Variants in CAMK1D observed in about 807,000 individuals in gnomAD.
The protein encoded by CAMK1D is calcium/calmodulin dependent protein kinase ID.
CAMK1D carries 9 observed loss-of-function variants against 47.7 expected under a neutral mutation model. The ratio of observed to expected loss-of-function variants is 0.19; its 90% confidence interval spans 0.11 to 0.33. The LOEUF is 0.33. Among genes scored for constraint, CAMK1D ranks in the 10% least tolerant of loss-of-function variants. The probability of loss-of-function intolerance (pLI) is 1.00; values close to 1 mark genes in which losing one functional copy is unlikely to be tolerated. For synonymous variants in CAMK1D, 184 were observed against 184.9 expected (o/e 0.99, Z 0.04); for missense variants, 291 against 488.7 (o/e 0.60, Z 3.81).
chr10:12,516,308 C>T (rs1465233773), intron 1 of CAMK1D, among the ~76,000 whole-genome samples: 1 of 152,096 alleles, frequency 6.6e-6, no homozygotes, highest in African/African-American at 2.4e-5. Flanking sequence ...GGGGTTTCAC[C>T]ATCCTGGCCA....
At chr10:12,502,850 C>T (rs764628596) in intron 1 of CAMK1D, among the ~76,000 whole-genome samples, 26 of 152,194 alleles carry the variant, frequency 1.7e-4, no homozygotes, top group Non-Finnish European at 3.2e-4. Flanking sequence ...TGTTACTTGC[C>T]ATGCTCATTT....
chr10:12,357,976 C>T (rs1170636895), intron 1 of CAMK1D, among the ~76,000 whole-genome samples: 1 of 152,138 alleles, frequency 6.6e-6, no homozygotes, highest in East Asian at 1.9e-4. Flanking sequence ...CAAGTTCATT[C>T]CGCCACAGAC....
chr10:12,685,149 A>G (rs953848001), intron 3 of CAMK1D, among the ~76,000 whole-genome samples: 1 of 152,160 alleles, frequency 6.6e-6, no homozygotes, highest in African/African-American at 2.4e-5. Context: ...AAAAATACGA[A>G]AATTAGCCAG....
intron 5 of CAMK1D, among the ~76,000 whole-genome samples, chr10:12,790,613 GCA>G (rs145460694): frequency 1.3e-5 from 2 of 151,362 alleles, no homozygotes; most frequent in East Asian, 3.9e-4. Flanking sequence ...ACACACACAC[GCA>G]CACACACACT....
intron 2 of CAMK1D, among the ~76,000 whole-genome samples, chr10:12,646,057 G>A (rs760194277): frequency 2.2e-4 from 33 of 151,468 alleles, no homozygotes; most frequent in Non-Finnish European, 3.8e-4. Flanking sequence ...AATTGCTATG[G>A]GAAGAATTAC....
At chr10:12,761,450 A>G (rs78202458) in intron 4 of CAMK1D, among the ~76,000 whole-genome samples, 1,721 of 152,298 alleles carry the variant, frequency 0.011, 18 homozygotes, top group East Asian at 0.059. Flanking sequence ...CACCTTTGCC[A>G]ATTCCAGCCC....
intron 1 of CAMK1D, among the ~76,000 whole-genome samples, chr10:12,440,665 G>A (rs1201475073): frequency 6.6e-6 from 1 of 152,178 alleles, no homozygotes; most frequent in African/African-American, 2.4e-5. Flanking sequence ...GCAGTTTATT[G>A]TGGATAAATT....
At chr10:12,588,877 TGTGTGTGCGTGC>T (rs1212111373) in intron 2 of CAMK1D, among the ~76,000 whole-genome samples, 11 of 134,350 alleles carry the variant, frequency 8.2e-5, no homozygotes, top group East Asian at 4.2e-4. Context: ...TGTGTGTGTG[TGTGTGTGCGTGC>T]GTGTGTGTGT....
chr10:12,632,200 C>T (rs1196842611), intron 2 of CAMK1D, among the ~76,000 whole-genome samples: 1 of 152,188 alleles, frequency 6.6e-6, no homozygotes, highest in South Asian at 2.1e-4. Context: ...CCAAATCTTT[C>T]TCTCCCATTT....
chr10:12,390,027 T>C (rs1838667465), intron 1 of CAMK1D, among the ~76,000 whole-genome samples: 1 of 152,118 alleles, frequency 6.6e-6, no homozygotes. Flanking sequence ...AGGTGGCTGG[T>C]GATCTTGGGG....
chr10:12,620,312 C>T (rs1314879141), intron 2 of CAMK1D, among the ~76,000 whole-genome samples: 1 of 151,182 alleles, frequency 6.6e-6, no homozygotes, highest in Non-Finnish European at 1.5e-5. Context: ...TGCTAGGTTG[C>T]ATGGTGGTTG....
At chr10:12,703,649 A>G (rs61847363) in intron 3 of CAMK1D, among the ~76,000 whole-genome samples, 61,652 of 152,040 alleles carry the variant, frequency 0.41, 14,325 homozygotes, top group Non-Finnish European at 0.51. Context: ...CAGGTGGGTC[A>G]CCTGAGGTCA....
intron 2 of CAMK1D, among the ~76,000 whole-genome samples, chr10:12,634,731 G>C (rs1004548334): frequency 1.3e-5 from 2 of 152,222 alleles, no homozygotes; most frequent in South Asian, 4.2e-4. Context: ...CTTGTAGCTA[G>C]AGTCCGGTGC....
intron 5 of CAMK1D, among the ~76,000 whole-genome samples, chr10:12,790,855 G>A (rs1056101167): frequency 6.6e-6 from 1 of 152,008 alleles, no homozygotes; most frequent in Non-Finnish European, 1.5e-5. Context: ...AATTAGCCAG[G>A]CATGGTGGCA....
At chr10:12,480,241 C>T (rs1390874494) in intron 1 of CAMK1D, among the ~76,000 whole-genome samples, 1 of 152,160 alleles carries the variant, frequency 6.6e-6, no homozygotes, top group African/African-American at 2.4e-5. Flanking sequence ...GAGTTCGAGA[C>T]CAGCCTGGCC....
intron 1 of CAMK1D, among the ~76,000 whole-genome samples, chr10:12,393,394 A>G (rs548633901): frequency 6.6e-6 from 1 of 152,236 alleles, no homozygotes; most frequent in Admixed American, 6.5e-5. Flanking sequence ...TCATGGTGCT[A>G]GGCTCTCTGA....
At chr10:12,443,466 C>T (rs890515530) in intron 1 of CAMK1D, among the ~76,000 whole-genome samples, 2 of 152,070 alleles carry the variant, frequency 1.3e-5, no homozygotes, top group Non-Finnish European at 2.9e-5. Flanking sequence ...GGAAAGGGGT[C>T]CTGATCCAGA....
At chr10:12,409,039 T>C (rs1411535501) in intron 1 of CAMK1D, among the ~76,000 whole-genome samples, 2 of 152,012 alleles carry the variant, frequency 1.3e-5, no homozygotes, top group Non-Finnish European at 2.9e-5. Context: ...GTACTTTTAG[T>C]AGAGACGGAG....
At chr10:12,815,958 C>T (rs555912669) in intron 7 of CAMK1D, among the ~76,000 whole-genome samples, 1 of 152,320 alleles carries the variant, frequency 6.6e-6, no homozygotes, top group East Asian at 1.9e-4. Flanking sequence ...AAAGATATTT[C>T]TTCTCTTCTC....
Sources: gnomAD v4.1 joint callset for allele counts (sites outside exome capture counted in the v4.1 genomes callset) on GRCh38, gnomAD v4.1.1 for gene constraint, MANE v1.5 for transcripts, NCBI Gene and HGNC (gene_info 2026-07-23, HGNC 2026-07-21) for gene names.